The following KEAP1 variants were observed in gnomAD, a reference collection of about 807,000 sequenced individuals.
The protein encoded by KEAP1 is kelch like ECH associated protein 1.
Under a neutral mutation model 59.7 loss-of-function variants are expected in KEAP1, and 26 were observed. The observed-to-expected ratio is 0.44, with a 90% CI of 0.32 to 0.60. The LOEUF (loss-of-function observed/expected upper bound fraction) is 0.60, where lower values mean the gene tolerates loss of function less well. Ranked by LOEUF, KEAP1 falls within the 20% of genes least tolerant of loss-of-function variation. KEAP1 has a pLI of 0.06. For missense variants in KEAP1, 539 were observed against 871.4 expected, an observed-to-expected ratio of 0.62 and a Z score of 4.80; for synonymous variants, 350 against 358.3, an observed-to-expected ratio of 0.98 and a Z score of 0.26.
chr19:10,486,382 G>T lies in KEAP1; in HGVS notation c.*270C>A. The T allele has an allele frequency of 2.5e-6, 1 of 393,802 alleles. No individual in the cohort carries two copies. The highest frequency in any genetic ancestry group is 3.7e-5 in the South Asian group (1 of 26,708). 24.4% of individuals were successfully genotyped at this position (393,802 alleles called of 1,614,324 possible). ...ACCCAGGCCTATTACCCGGCCAGAG[G>T]GTTTGGGGGCCTCTCTCCTGGAAGC... On this transcript the variant is annotated 3_prime_UTR_variant, in exon 6 of 6. Coordinates refer to ENST00000171111, the MANE Select transcript of KEAP1 (RefSeq NM_203500.2).
chr19:10,500,937 C>A (rs1915024001), intron 1 of KEAP1, among the ~76,000 whole-genome samples: 1 of 152,136 alleles, frequency 6.6e-6, no homozygotes, highest in Middle Eastern at 3.2e-3. Flanking sequence ...GCCTTGGCAT[C>A]CCGAAGTGCT....
chr19:10,501,243 T>C (rs1367338328), intron 1 of KEAP1, among the ~76,000 whole-genome samples: 1 of 152,026 alleles, frequency 6.6e-6, no homozygotes, highest in African/African-American at 2.4e-5. Context: ...ATGTGTTTTG[T>C]GTTTTGTTTT....
intron 2 of KEAP1, among the ~76,000 whole-genome samples, chr19:10,498,393 G>C (rs1486077114): frequency 2.0e-5 from 3 of 151,698 alleles, no homozygotes; most frequent in Admixed American, 6.6e-5. Flanking sequence ...TTTTATTAGA[G>C]ATGGGGTTTC....
intron 2 of KEAP1, among the ~76,000 whole-genome samples, chr19:10,496,283 G>T (rs1914846259): frequency 6.6e-6 from 1 of 151,764 alleles, no homozygotes; most frequent in Non-Finnish European, 1.5e-5. Flanking sequence ...ATCACTTGAG[G>T]TCAGGAGTTC....
rs1489089735 is a variant in KEAP1, at chr19:10,499,575, G to A, written c.459C>T (p.Leu153=). 6.2e-7 allele frequency: 1 copy of A among 1,614,152 alleles called. No homozygotes were observed. Among genetic ancestry groups the A allele is most frequent in the East Asian group, 2.2e-5 (1 of 44,890 alleles). The part of the protein sequence containing the change: ...ASISMGEKCV[L]HVMNGAVMYQ... ...ACATGACAGCACCGTTCATGACGTG[G>A]AGGACACACTTCTCGCCCATGGAGA... The change falls in exon 2 of 6, where the codon CTC becomes CTT. Residue 153 remains leucine (L), a synonymous_variant. Transcript: ENST00000171111. The surrounding 1 kb of genome is among the most constrained non-coding windows in gnomAD (Gnocchi z 6.7).
intron 4 of KEAP1, 108 bp downstream of exon 4, chr19:10,489,540 C>T: frequency 7.4e-7 from 1 of 1,356,832 alleles, no homozygotes; most frequent in Non-Finnish European, 1.0e-6. Flanking sequence ...CTGTGGTTAC[C>T]CCAGCATGAG....
intron 2 of KEAP1, among the ~76,000 whole-genome samples, chr19:10,497,518 G>C (rs1914892511): frequency 2.0e-5 from 3 of 152,184 alleles, no homozygotes; most frequent in Admixed American, 2.0e-4. Flanking sequence ...GGACAGTTGG[G>C]AACAGTCAAT....
chr19:10,490,719 T>G (rs1035782783), intron 3 of KEAP1: 3 of 152,138 alleles, frequency 2.0e-5, no homozygotes, highest in African/African-American at 7.2e-5. Flanking sequence ...CGAACTCTAG[T>G]GCTTGCAGTT....
intron 2 of KEAP1, among the ~76,000 whole-genome samples, chr19:10,496,506 A>G (rs1335961821): frequency 8.4e-6 from 1 of 118,992 alleles, no homozygotes; most frequent in Non-Finnish European, 1.8e-5. Flanking sequence ...CACCCCCAAA[A>G]AAAAAAAAAA....
At chr19:10,488,836 C>CA (rs1914563850) in intron 5 of KEAP1, among the ~76,000 whole-genome samples, 1 of 145,744 alleles carries the variant, frequency 6.9e-6, no homozygotes, top group Non-Finnish European at 1.5e-5. Context: ...GAGGCTGAGA[C>CA]AGGAGAATCG....
intron 2 of KEAP1, among the ~76,000 whole-genome samples, chr19:10,494,334 T>C (rs1345675657): frequency 2.0e-5 from 3 of 146,568 alleles, no homozygotes; most frequent in Non-Finnish European, 4.5e-5. Flanking sequence ...TGGCTTTTTT[T>C]TTTTTTTTTT....
rs952037387 is a variant in KEAP1, at chr19:10,491,488, C to G, written c.1325+89G>C. ...ACTCCCTGAAGACAGGAAGAGGAAA[C>G]AGCCTCAGGAAGAATACCCGGATCT... On this transcript the variant is annotated intron_variant, in intron 3 of 5. Coordinates refer to ENST00000171111, the MANE Select transcript of KEAP1 (RefSeq NM_203500.2). The surrounding 1 kb of genome is among the most constrained non-coding windows in gnomAD (Gnocchi z 5.2). 6.8e-5 allele frequency: 79 copies of G among 1,160,748 alleles called. No homozygotes were observed. Among genetic ancestry groups the G allele is most frequent in the Admixed American group, 9.0e-5 (3 of 33,210 alleles). 71.9% of individuals were successfully genotyped at this position (1,160,748 alleles called of 1,614,324 possible).
chr19:10,497,040 C>T (rs904518194), intron 2 of KEAP1, among the ~76,000 whole-genome samples: 7 of 151,422 alleles, frequency 4.6e-5, no homozygotes, highest in African/African-American at 1.7e-4. Flanking sequence ...AGGAGAATTG[C>T]TTGAACCCAG....
chr19:10,501,952 TC>T (rs1915058945), intron 1 of KEAP1, among the ~76,000 whole-genome samples: 1 of 152,158 alleles, frequency 6.6e-6, no homozygotes, highest in South Asian at 2.1e-4. Flanking sequence ...AGTCTCCTCT[TC>T]CCTGTTTTAT....
At position 10,491,614 on chromosome 19, in the gene KEAP1, C is replaced by T; in HGVS notation, c.1288G>A (p.Gly430Ser). 1.9e-6 allele frequency: 3 copies of T among 1,584,174 alleles called. No homozygotes were observed. The highest frequency in any genetic ancestry group is 2.2e-5 in the East Asian group (1 of 44,698). The change falls in exon 3 of 6, where the codon GGC becomes AGC. Residue 430 changes from glycine (G) to serine (S), a missense_variant. Gly to Ser is a moderately conservative substitution (Grantham distance 56). Around this residue, in one of 4 missense-constraint regions of KEAP1, gnomAD observed 311 missense variants for 425.2 expected, o/e 0.73. Transcript: ENST00000171111. This position sits in a 1 kb window ranked among gnomAD's most constrained non-coding sequence, Gnocchi z 5.2. ...TTGTGGTGGATGCAGCCGTGGGAGCCGCCGACGGCATAGATGTGGCCATCG... is the reference window on the plus strand; with the variant it reads ...TTGTGGTGGATGCAGCCGTGGGAGCTGCCGACGGCATAGATGTGGCCATCG... ...VIDGHIYAVG[G>S]SHGCIHHNSV...
rs774389220 is a variant in KEAP1 at position 10,489,754 on chromosome 19, C to G, written c.1425G>C (p.Val475=). 1 of 1,614,052 alleles carries G rather than the reference C, an allele frequency of 6.2e-7. No homozygotes were observed. The highest frequency in any genetic ancestry group is 1.1e-5 in the South Asian group (1 of 91,072). ...GGCGGTTTGTCCCGTCAAAGCCCCC[C>G]ACGGCATAAAGGAGACGATTGAGGA... ...VAVLNRLLYA[V]GGFDGTNRLN... is the part of the protein sequence containing the mutation. The change falls in exon 4 of 6, where the codon GTG becomes GTC. Residue 475 remains valine (V), a synonymous_variant. Coordinates refer to ENST00000171111, the MANE Select transcript of KEAP1 (RefSeq NM_203500.2).
At chr19:10,498,312 G>A (rs1216791002) in intron 2 of KEAP1, among the ~76,000 whole-genome samples, 1 of 150,302 alleles carries the variant, frequency 6.7e-6, no homozygotes, top group Non-Finnish European at 1.5e-5. Context: ...CGATTCTCCT[G>A]TCTCAGCCTC....
In KEAP1 at chr19:10,486,260, T is replaced by A. The variant is rs1272915546; in HGVS notation, c.*392A>T. On this transcript the variant is annotated 3_prime_UTR_variant, in exon 6 of 6. Coordinates refer to ENST00000171111, the MANE Select transcript of KEAP1 (RefSeq NM_203500.2). Reference sequence around the variant, plus strand: ...TACAGGCCCATCCCTGGGAACCACATTTCCAGAGGGGGCCTCCCCCTGAGG... The same window carrying A: ...TACAGGCCCATCCCTGGGAACCACAATTCCAGAGGGGGCCTCCCCCTGAGG... 8.0e-6 allele frequency: 2 copies of A among 250,518 alleles called. No individual in the cohort carries two copies. The highest frequency in any genetic ancestry group is 1.5e-5 in the Non-Finnish European group (2 of 129,488). The allele number at this position is 250,518 out of a possible 1,614,324, so 15.5% of individuals were successfully genotyped here. A position where few individuals can be genotyped will look rare whatever the true frequency, so the allele number is the denominator to read the frequency against.
intron 5 of KEAP1, 112 bp from the exon 6 acceptor site, chr19:10,486,930 C>T: frequency 8.9e-7 from 1 of 1,125,370 alleles, no homozygotes; most frequent in Non-Finnish European, 1.3e-6. Flanking sequence ...GGCGTGGTGG[C>T]TCACGCCTAT....
Sources: gnomAD v4.1 joint callset for allele counts (sites outside exome capture counted in the v4.1 genomes callset) on GRCh38, gnomAD v4.1.1 for gene constraint, gnomAD v4.1.1 regional missense constraint, Gnocchi (gnomAD v3.1) non-coding constraint, MANE v1.5 for transcripts, NCBI Gene and HGNC (gene_info 2026-07-23, HGNC 2026-07-21) for gene names.